P4HA1: variants seen among roughly 807,000 people sequenced by gnomAD.
P4HA1 encodes prolyl 4-hydroxylase subunit alpha 1.
P4HA1 carries 24 observed loss-of-function variants against 72.8 expected under a neutral mutation model. The ratio of observed to expected loss-of-function variants is 0.33; its 90% confidence interval spans 0.24 to 0.46. P4HA1 has a LOEUF of 0.46. Ranked by LOEUF, P4HA1 falls within the 20% of genes least tolerant of loss-of-function variation. The pLI is 1.00. For missense variants in P4HA1, 446 were observed against 640.6 expected, an observed-to-expected ratio of 0.70 and a Z score of 3.28; for synonymous variants, 201 against 218.8, an observed-to-expected ratio of 0.92 and a Z score of 0.72.
intron 5 of P4HA1, among the ~76,000 whole-genome samples, chr10:73,062,673 A>C (rs1034697171): frequency 1.3e-5 from 2 of 152,230 alleles, no homozygotes; most frequent in East Asian, 1.9e-4. Flanking sequence ...CACTTCAAAG[A>C]GTCACTAAAA....
intron 1 of P4HA1, among the ~76,000 whole-genome samples, chr10:73,077,578 A>T (rs1176064537): frequency 6.6e-6 from 1 of 152,196 alleles, no homozygotes; most frequent in Admixed American, 6.6e-5. Context: ...ATGTTTCAAA[A>T]TGAATTCTAG....
In P4HA1 at chr10:73,073,832, A is replaced by C; in HGVS notation, c.77-5T>G. ...GGATCAAATCAGTCATCTGACCTAG[A>C]AGGGGAAGAAGGTTATCAAATACTC... On this transcript the variant is annotated splice_polypyrimidine_tract_variant and splice_region_variant and intron_variant, in intron 2 of 14. Transcript: ENST00000394890. The C allele has an allele frequency of 7.4e-7, 1 of 1,348,208 alleles. No individual in the cohort carries two copies. The highest frequency in any genetic ancestry group is 1.1e-6 in the Non-Finnish European group (1 of 938,934). 83.5% of individuals were successfully genotyped at this position (1,348,208 alleles called of 1,614,324 possible).
rs531731158 is a variant in P4HA1, at chr10:73,044,013, TTTTG to T, written c.1148+964_1148+967del. On this transcript the variant is annotated intron_variant, in intron 9 of 14. Transcript: ENST00000394890. ...CTCCAGTAGCAGGCAATTTTGGGCTTTTTGTTTGTTTTGTTTTGCCAAGCCACAG... is the reference window on the plus strand; with the variant it reads ...CTCCAGTAGCAGGCAATTTTGGGCTTTTTGTTTTGTTTTGCCAAGCCACAG... 2,465 of 1,297,110 alleles carry T rather than the reference TTTTG, an allele frequency of 1.9e-3. 5 individuals carry two copies. The highest frequency in any genetic ancestry group is 2.5e-3 in the Non-Finnish European group (2,233 of 898,364). The allele number at this position is 1,297,110 out of a possible 1,614,324, so 80.4% of individuals were successfully genotyped here.
At chr10:73,053,979 C>G (rs1841077782) in intron 5 of P4HA1, among the ~76,000 whole-genome samples, 2 of 151,698 alleles carry the variant, frequency 1.3e-5, no homozygotes, top group South Asian at 4.2e-4. Context: ...TGCAATGGCA[C>G]AATCTCAGCT....
intron 10 of P4HA1, among the ~76,000 whole-genome samples, 178 bp from the exon 11 acceptor site, chr10:73,017,077 G>T (rs573584933): frequency 6.6e-6 from 1 of 151,548 alleles, no homozygotes; most frequent in South Asian, 2.1e-4. Flanking sequence ...ACAAAGGACA[G>T]CTACTATATA....
At chr10:73,025,769 A>C (rs1173367854) in intron 10 of P4HA1, among the ~76,000 whole-genome samples, 4 of 152,226 alleles carry the variant, frequency 2.6e-5, no homozygotes, top group East Asian at 1.9e-4. Context: ...GCAAAGTCTC[A>C]GGATACAAAA....
intron 9 of P4HA1, 147 bp from the exon 10 acceptor site, chr10:73,030,517 C>A: frequency 2.4e-6 from 1 of 414,992 alleles, no homozygotes; most frequent in Non-Finnish European, 4.2e-6. Flanking sequence ...TTAGTATCAT[C>A]TTTATTAATG....
rs1252683363 is a variant in P4HA1, at chr10:73,051,123, C to T, written c.830G>A (p.Gly277Glu). ...CTCTGGCAGGTAATCCACAGCAACC[C>T]CTTTTTTCTTTGGTGTAGTTTTCTG... ...SDQKTTPKKK[G>E]VAVDYLPERQ... is the part of the protein sequence containing the mutation. Residue 277 changes from glycine (G) to glutamate (E), a missense_variant, in exon 7 of 15, where the codon GGG becomes GAG. Transcript: ENST00000394890. The T allele has an allele frequency of 1.2e-6, 2 of 1,613,894 alleles. No homozygotes were observed. Among genetic ancestry groups the T allele is most frequent in the Non-Finnish European group, 1.7e-6 (2 of 1,179,954 alleles).
chr10:73,092,778 C>T (rs1049669117), intron 1 of P4HA1, among the ~76,000 whole-genome samples: 2 of 151,876 alleles, frequency 1.3e-5, no homozygotes, highest in African/African-American at 4.8e-5. Flanking sequence ...AAATTACAGT[C>T]CTCTCTTTGC....
At position 73,053,483 on chromosome 10, in the gene P4HA1, G is replaced by A. The variant is rs774583834; in HGVS notation, c.571C>T (p.Leu191=). 1 of 1,614,098 alleles carries A rather than the reference G, an allele frequency of 6.2e-7. No homozygotes were observed. The highest frequency in any genetic ancestry group is 1.1e-5 in the South Asian group (1 of 91,084). Residue 191 remains leucine, a synonymous_variant, in exon 6 of 15, where the codon CTA becomes TTA. Coordinates refer to ENST00000394890, the MANE Select transcript of P4HA1 (RefSeq NM_001017962.3). ...ATCTCGCCTTCATCCAGTTGCCTTA[G>A]GGCTTGTTCCATCCACAGTTCCGTA... The part of the protein sequence containing the change: ...YHTELWMEQA[L]RQLDEGEIST...
intron 7 of P4HA1, among the ~76,000 whole-genome samples, chr10:73,050,699 C>CA (rs11389497): frequency 0.08 from 8,464 of 106,136 alleles, 695 homozygotes; most frequent in African/African-American, 0.24. Flanking sequence ...GACTCCATCT[C>CA]AAAAAAAAAA....
chr10:73,032,463 C>G (rs1194129318), intron 9 of P4HA1, among the ~76,000 whole-genome samples: 1 of 152,190 alleles, frequency 6.6e-6, no homozygotes, highest in Non-Finnish European at 1.5e-5. Context: ...TGGAAACTCT[C>G]TCAAACACTC....
At chr10:73,025,600 A>C (rs2133053425) in intron 10 of P4HA1, among the ~76,000 whole-genome samples, 1 of 152,188 alleles carries the variant, frequency 6.6e-6, no homozygotes, top group East Asian at 1.9e-4. Context: ...ATAGTGTTGG[A>C]AGTTCTGGCC....
chr10:73,071,558 T>A (rs1406615191), intron 4 of P4HA1, among the ~76,000 whole-genome samples: 2 of 152,146 alleles, frequency 1.3e-5, no homozygotes, highest in African/African-American at 4.8e-5. Context: ...CTACAAATTG[T>A]ATTGTATCAC....
Position 73,068,850 on chromosome 10 carries a change from A to G in P4HA1, c.459T>C (p.Leu153=). 1.2e-6 allele frequency: 2 copies of G among 1,612,178 alleles called. No individual in the cohort carries two copies. The highest frequency in any genetic ancestry group is 1.7e-6 in the Non-Finnish European group (2 of 1,178,376). ...LDTDTISKGN[L]PGVKHKSFLT... ...AGAATGGAAGAATGATCTTACCTGG[A>G]AGATTACCCTTTGAGATGGTATCTG... Residue 153 remains leucine (L), a synonymous_variant, in exon 5 of 15, where the codon CTT becomes CTC. Transcript: ENST00000394890.
At chr10:73,041,099 T>A (rs1840722298) in intron 9 of P4HA1, among the ~76,000 whole-genome samples, 1 of 152,180 alleles carries the variant, frequency 6.6e-6, no homozygotes, top group Non-Finnish European at 1.5e-5. Context: ...CTCCTGTGAT[T>A]AAAATGAAAA....
chr10:73,073,168 A>AT (rs1841606726), intron 3 of P4HA1, among the ~76,000 whole-genome samples: 1 of 127,492 alleles, frequency 7.8e-6, no homozygotes, highest in African/African-American at 3.3e-5. Context: ...AGACTCTGTC[A>AT]CAAAAAAAAA....
At chr10:73,052,264 G>A (rs1449958656) in intron 6 of P4HA1, among the ~76,000 whole-genome samples, 2 of 151,820 alleles carry the variant, frequency 1.3e-5, no homozygotes, top group African/African-American at 4.8e-5. Flanking sequence ...GACTTCACTT[G>A]TGACAGTAAC....
intron 1 of P4HA1, among the ~76,000 whole-genome samples, chr10:73,093,430 C>A (rs914970306): frequency 6.6e-5 from 10 of 152,102 alleles, no homozygotes; most frequent in African/African-American, 2.4e-4. Flanking sequence ...AAATGAGAGT[C>A]CTTTTGAATT....
Sources: allele counts gnomAD v4.1 joint callset (sites outside exome capture counted in the v4.1 genomes callset), GRCh38; gene constraint gnomAD v4.1.1; transcripts MANE v1.5; gene names NCBI Gene and HGNC (gene_info 2026-07-23, HGNC 2026-07-21).